Variants in TYW1B observed in about 807,000 individuals in gnomAD.
The protein encoded by TYW1B is tRNA-yW synthesizing protein 1 homolog B, also known as S-adenosyl-L-methionine-dependent tRNA 4-demethylwyosine synthase TYW1B.
In TYW1B, 73 loss-of-function variants were observed where a neutral mutation model predicts 86.9. That is an observed-to-expected ratio of 0.84 (90% CI 0.70 to 1.02). TYW1B has a LOEUF of 1.02. TYW1B is among the 50% of genes least tolerant of loss of function. The pLI, the probability that TYW1B is intolerant of heterozygous loss-of-function variation, is 0.00. For synonymous variants in TYW1B, 248 were observed against 292.8 expected, an observed-to-expected ratio of 0.85 and a Z score of 1.56; for missense variants, 637 against 827.4, an observed-to-expected ratio of 0.77 and a Z score of 2.82.
At position 72,628,944 on chromosome 7, in the gene TYW1B, C is replaced by T. The variant is rs1554439369; in HGVS notation, c.1560G>A (p.Glu520=). The T allele has an allele frequency of 1.3e-6, 2 of 1,593,802 alleles. No individual in the cohort carries two copies. The highest frequency in any genetic ancestry group is 8.5e-7 in the Non-Finnish European group (1 of 1,171,180). The change falls in exon 12 of 14, where the codon GAG becomes GAA. Residue 520 remains glutamate, a synonymous_variant. Transcript: ENST00000620995. ...LMLVKAWNVD[E]LQAYAQLVSL... ...ACACGAGCTGCGCGTAGGCCTGGAG[C>T]TCGTCCACGTTCCATGCTTTCACGA...
intron 7 of TYW1B, among the ~76,000 whole-genome samples, chr7:72,758,038 C>T (rs1416886833): frequency 1.3e-5 from 2 of 152,016 alleles, no homozygotes; most frequent in Non-Finnish European, 2.9e-5. Context: ...GCCAACGTGG[C>T]GAAACCACAT....
chr7:72,617,066 G>C (rs1348050976), intron 12 of TYW1B, among the ~76,000 whole-genome samples: 1 of 152,208 alleles, frequency 6.6e-6, no homozygotes, highest in Admixed American at 6.5e-5. Flanking sequence ...CATTGCTGGG[G>C]CTTAAGTACC....
At chr7:72,792,683 C>A (rs1414327464) in intron 6 of TYW1B, among the ~76,000 whole-genome samples, 1 of 152,094 alleles carries the variant, frequency 6.6e-6, no homozygotes, top group Non-Finnish European at 1.5e-5. Context: ...GCAAGAGTAT[C>A]CATTACCAAA....
chr7:72,595,217 TATG>T (rs1811500987), intron 13 of TYW1B, among the ~76,000 whole-genome samples: 2 of 152,220 alleles, frequency 1.3e-5, no homozygotes, highest in Admixed American at 1.3e-4. Flanking sequence ...TTTTAAATGA[TATG>T]ATGTTATATG....
intron 10 of TYW1B, among the ~76,000 whole-genome samples, chr7:72,709,637 T>C (rs1259201272): frequency 4.6e-5 from 7 of 151,926 alleles, no homozygotes; most frequent in Non-Finnish European, 8.8e-5. Context: ...CATTGCACTC[T>C]AGCCTGGGTG....
intron 11 of TYW1B, among the ~76,000 whole-genome samples, chr7:72,678,057 T>C (rs1437435366): frequency 2.0e-5 from 3 of 152,324 alleles, no homozygotes; most frequent in Non-Finnish European, 4.4e-5. Context: ...GTGAAGGTAA[T>C]CATTTCTGGG....
intron 11 of TYW1B, among the ~76,000 whole-genome samples, chr7:72,636,298 T>A (rs1353610189): frequency 6.6e-6 from 1 of 152,194 alleles, no homozygotes; most frequent in Non-Finnish European, 1.5e-5. Context: ...GCTGACTGTG[T>A]ATCTATATAG....
chr7:72,626,671 C>T (rs530456247), intron 12 of TYW1B, among the ~76,000 whole-genome samples: 4 of 152,160 alleles, frequency 2.6e-5, no homozygotes, highest in South Asian at 2.1e-4. Context: ...TCGTTCAGCC[C>T]GTACCTATAA....
At chr7:72,679,363 A>G (rs2129569905) in intron 11 of TYW1B, among the ~76,000 whole-genome samples, 1 of 152,336 alleles carries the variant, frequency 6.6e-6, no homozygotes, top group South Asian at 2.1e-4. Flanking sequence ...AAACTGTGAA[A>G]CAATCCAAAT....
At chr7:72,801,770 T>G (rs1274832885) in intron 6 of TYW1B, among the ~76,000 whole-genome samples, 1 of 152,170 alleles carries the variant, frequency 6.6e-6, no homozygotes, top group East Asian at 1.9e-4. Context: ...CCTGGATTCC[T>G]AGGGGCCCCA....
intron 10 of TYW1B, among the ~76,000 whole-genome samples, chr7:72,707,411 T>C (rs1814639184): frequency 6.6e-6 from 1 of 152,174 alleles, no homozygotes. Flanking sequence ...TCTGAAGAAT[T>C]ATGAGCTAAA....
chr7:72,797,905 T>C (rs1350278582), intron 6 of TYW1B, among the ~76,000 whole-genome samples: 1 of 151,886 alleles, frequency 6.6e-6, no homozygotes, highest in African/African-American at 2.4e-5. Context: ...GTAGGACATA[T>C]CAGAATTGAA....
At chr7:72,774,026 C>T (rs1172652031) in intron 7 of TYW1B, among the ~76,000 whole-genome samples, 1 of 145,942 alleles carries the variant, frequency 6.9e-6, no homozygotes, top group African/African-American at 2.6e-5. Context: ...CACACCACTG[C>T]ACCCCAGACT....
At chr7:72,674,407 G>C (rs375897205) in intron 11 of TYW1B, among the ~76,000 whole-genome samples, 1 of 152,102 alleles carries the variant, frequency 6.6e-6, no homozygotes. Context: ...ACAGAGATGA[G>C]AAAACCAGGC....
chr7:72,718,959 C>T (rs1786841172), intron 9 of TYW1B, among the ~76,000 whole-genome samples: 1 of 152,026 alleles, frequency 6.6e-6, no homozygotes, highest in Non-Finnish European at 1.5e-5. Context: ...CAAGCCTCTC[C>T]CACCCTCTCC....
rs1786996003 is a variant in TYW1B, at chr7:72,726,240, A to C, written c.1192+2582T>G. 2.0e-5 allele frequency among the ~76,000 whole-genome samples: 3 copies of C among 152,338 alleles called. No individual in the cohort carries two copies. The Middle Eastern group carries it at 0.01, about 518-fold the overall frequency. ...AAAAATCAAGATGAGAAATTAAAAT[A>C]ATCATTAGCATCTTTGTAAATGTAC... On this transcript the variant is annotated intron_variant, in intron 9 of 13. Transcript: ENST00000620995.
At chr7:72,751,870 T>C (rs1787506950) in intron 7 of TYW1B, among the ~76,000 whole-genome samples, 1 of 152,240 alleles carries the variant, frequency 6.6e-6, no homozygotes, top group South Asian at 2.1e-4. Context: ...TGCAGTGTAA[T>C]TTTTCTTAGA....
intron 7 of TYW1B, among the ~76,000 whole-genome samples, chr7:72,750,845 C>T (rs1408909987): frequency 1.3e-5 from 2 of 152,260 alleles, no homozygotes; most frequent in East Asian, 3.9e-4. Flanking sequence ...AAAAATCCGA[C>T]ATCCAAAACA....
intron 13 of TYW1B, among the ~76,000 whole-genome samples, chr7:72,588,363 C>T (rs1331730169): frequency 2.0e-5 from 3 of 152,248 alleles, no homozygotes; most frequent in Non-Finnish European, 4.4e-5. Flanking sequence ...AAAGCAACTG[C>T]TGCTGGGAGC....
Sources: allele counts gnomAD v4.1 joint callset (sites outside exome capture counted in the v4.1 genomes callset), GRCh38; gene constraint gnomAD v4.1.1; transcripts MANE v1.5; gene names NCBI Gene and HGNC (gene_info 2026-07-23, HGNC 2026-07-21).